Variants in STXBP4 observed in about 807,000 individuals in gnomAD.
STXBP4 encodes the protein syntaxin-binding protein 4.
STXBP4 carries 55 observed loss-of-function variants against 76.1 expected under a neutral mutation model. The ratio of observed to expected loss-of-function variants is 0.72; its 90% confidence interval spans 0.58 to 0.91. The LOEUF (loss-of-function observed/expected upper bound fraction) is 0.91, where lower values mean the gene tolerates loss of function less well. Ranked by LOEUF, STXBP4 falls within the 40% of genes least tolerant of loss-of-function variation. The probability of loss-of-function intolerance (pLI) is 0.00; values close to 1 mark genes in which losing one functional copy is unlikely to be tolerated. For missense variants in STXBP4, 618 were observed against 636.9 expected, an observed-to-expected ratio of 0.97 and a Z score of 0.32; for synonymous variants, 201 against 220.2, an observed-to-expected ratio of 0.91 and a Z score of 0.77.
chr17:55,047,971 G>T (rs903984008), intron 12 of STXBP4, among the ~76,000 whole-genome samples: 2 of 151,836 alleles, frequency 1.3e-5, no homozygotes, highest in Admixed American at 6.6e-5. Flanking sequence ...CTGAAATAAA[G>T]AGTAGAGAGA....
chr17:55,037,858 C>T (rs1011418646), intron 10 of STXBP4, among the ~76,000 whole-genome samples: 1 of 152,098 alleles, frequency 6.6e-6, no homozygotes, highest in Non-Finnish European at 1.5e-5. Context: ...TCTGAAGAAA[C>T]ATTATAAAAA....
chr17:55,154,957 C>T lies in STXBP4; in HGVS notation c.1548-4840C>T, dbSNP rs79744214. On this transcript the variant is annotated intron_variant, in intron 17 of 17. Coordinates refer to ENST00000376352, the MANE Select transcript of STXBP4 (RefSeq NM_178509.6). ...ATAAAAATAAAATTTGTCCTCTAGA[C>T]TGTAAAGATTTGGATGAGATCCTGC... Among the ~76,000 whole-genome samples, 997 of 152,144 alleles carry T rather than the reference C, an allele frequency of 6.6e-3. 14 individuals carry two copies. Among genetic ancestry groups the T allele is most frequent in the African/African-American group, 0.023 (959 of 41,556 alleles).
At chr17:55,178,561 T>C (rs889810470), downstream of STXBP4, among the ~76,000 whole-genome samples, 7 of 152,226 alleles carry the variant, frequency 4.6e-5, no homozygotes, top group Non-Finnish European at 8.8e-5. Flanking sequence ...TAGTCAGAAT[T>C]CTCCAGAGAA....
the STXBP4 span, among the ~76,000 whole-genome samples, chr17:55,204,750 C>T: frequency 6.6e-6 from 1 of 151,730 alleles, no homozygotes; most frequent in Non-Finnish European, 1.5e-5. Flanking sequence ...ACCTACTTTT[C>T]TCTGGGTTTC....
At chr17:55,052,749 G>T (rs2078874091) in intron 12 of STXBP4, among the ~76,000 whole-genome samples, 1 of 151,902 alleles carries the variant, frequency 6.6e-6, no homozygotes. Context: ...GAACATTTGG[G>T]CATTGTGTGA....
chr17:55,023,524 AG>A (rs1650469648), intron 8 of STXBP4, among the ~76,000 whole-genome samples: 1 of 152,220 alleles, frequency 6.6e-6, no homozygotes, highest in Non-Finnish European at 1.5e-5. Context: ...GTGTGGACTC[AG>A]CCACCCGTGT....
chr17:55,033,380 T>C (rs544925652), intron 9 of STXBP4, among the ~76,000 whole-genome samples: 1 of 150,992 alleles, frequency 6.6e-6, no homozygotes, highest in African/African-American at 2.4e-5. Flanking sequence ...TCTCAAAAAA[T>C]AAATAAATAA....
intron 16 of STXBP4, among the ~76,000 whole-genome samples, chr17:55,112,362 G>A (rs1313211342): frequency 6.6e-6 from 1 of 152,128 alleles, no homozygotes; most frequent in Non-Finnish European, 1.5e-5. Context: ...CTTCAGGAAG[G>A]CAAGGTCCTC....
At chr17:54,991,283 TTTA>T (rs2077713375) in intron 4 of STXBP4, 1 of 157,764 alleles carries the variant, frequency 6.3e-6, no homozygotes, top group African/African-American at 2.4e-5. Flanking sequence ...ACTTTGAGTT[TTTA>T]TTAAGTTGGA....
intron 10 of STXBP4, among the ~76,000 whole-genome samples, chr17:55,037,105 G>A (rs2078616864): frequency 6.6e-6 from 1 of 152,078 alleles, no homozygotes; most frequent in Admixed American, 6.6e-5. Context: ...AGTTCTCCCA[G>A]AATGAAGCAC....
chr17:55,107,863 C>T (rs970569622), intron 16 of STXBP4, among the ~76,000 whole-genome samples: 1 of 152,192 alleles, frequency 6.6e-6, no homozygotes, highest in Admixed American at 6.5e-5. Context: ...TGACCCCTTC[C>T]AGGAGGTGTC....
intron 12 of STXBP4, among the ~76,000 whole-genome samples, chr17:55,055,829 A>G (rs1437752590): frequency 1.3e-5 from 2 of 152,172 alleles, no homozygotes; most frequent in African/African-American, 2.4e-5. Flanking sequence ...CTTTTAGTAT[A>G]ACTATTACTA....
At chr17:55,202,919 T>G in the STXBP4 span, among the ~76,000 whole-genome samples, 1 of 152,168 alleles carries the variant, frequency 6.6e-6, no homozygotes, top group East Asian at 1.9e-4. Flanking sequence ...GAAAGGTCAT[T>G]CAGCATTCAT....
intron 8 of STXBP4, among the ~76,000 whole-genome samples, chr17:55,017,392 G>A (rs545455685): frequency 2.6e-5 from 4 of 152,192 alleles, no homozygotes; most frequent in East Asian, 3.9e-4. Flanking sequence ...AAGACACCAG[G>A]GACAAGACTC....
At chr17:54,989,617 A>T (rs1474670359) in intron 3 of STXBP4, among the ~76,000 whole-genome samples, 1 of 152,244 alleles carries the variant, frequency 6.6e-6, no homozygotes, top group Non-Finnish European at 1.5e-5. Context: ...TAAGGATTTT[A>T]TAAATATTAA....
At chr17:55,112,211 T>C (rs1218403257) in intron 16 of STXBP4, among the ~76,000 whole-genome samples, 2 of 152,184 alleles carry the variant, frequency 1.3e-5, no homozygotes, top group East Asian at 3.9e-4. Context: ...TGAGCCACCA[T>C]GCCCAGCCAC....
In STXBP4 at chr17:55,171,075, T is replaced by G. The variant is rs1477641827; in HGVS notation, c.*11164T>G. ...GATCCTGGACCTATTTTTTTCTGCC[T>G]TGAAAACTTTTGTGCAGTAAAACCA... is the stretch of plus-strand genomic sequence containing the variant. On this transcript the variant is annotated 3_prime_UTR_variant, in exon 18 of 18. Transcript: ENST00000376352. The G allele has an allele frequency of 6.6e-6, 1 of 152,228 alleles. No homozygotes were observed. Among genetic ancestry groups the G allele is most frequent in the Admixed American group, 6.5e-5 (1 of 15,286 alleles). The allele number at this position is 152,228 out of a possible 1,614,324, so 9.4% of individuals were successfully genotyped here.
Position 55,141,380 on chromosome 17 carries a change from A to T in STXBP4, c.1547+13A>T. 6.2e-7 allele frequency: 1 copy of T among 1,605,932 alleles called. No individual in the cohort carries two copies. ...AGTACTTCATCAAGTAAGTACAAGC[A>T]TCTCAACCAAGTAAGCAATTTTCTT... On this transcript the variant is annotated intron_variant, in intron 17 of 17. Coordinates refer to ENST00000376352, the MANE Select transcript of STXBP4 (RefSeq NM_178509.6).
the STXBP4 span, among the ~76,000 whole-genome samples, chr17:55,194,725 C>T: frequency 6.6e-6 from 1 of 152,286 alleles, no homozygotes; most frequent in Middle Eastern, 3.4e-3. Flanking sequence ...GAGGCAAGGC[C>T]ATACCTGAAC....
Sources: allele counts gnomAD v4.1 joint callset (sites outside exome capture counted in the v4.1 genomes callset), GRCh38; gene constraint gnomAD v4.1.1; transcripts MANE v1.5; gene names NCBI Gene and HGNC (gene_info 2026-07-23, HGNC 2026-07-21).